Variants in ADD2 observed in about 807,000 individuals in gnomAD.
The protein encoded by ADD2 is beta-adducin.
A neutral mutation model predicts 83.0 loss-of-function variants in ADD2; 23 were observed. That is an observed-to-expected ratio of 0.28 (90% confidence interval 0.20 to 0.39). The LOEUF (loss-of-function observed/expected upper bound fraction) is 0.39. Among genes scored for constraint, ADD2 ranks in the 10% least tolerant of loss-of-function variants. ADD2 has a pLI of 1.00. For synonymous variants in ADD2, 375 were observed against 375.4 expected, an observed-to-expected ratio of 1.00 and a Z score of 0.01; for missense variants, 758 against 944.9, an observed-to-expected ratio of 0.80 and a Z score of 2.59.
Position 70,706,090 on chromosome 2 carries a change from C to T in ADD2, c.183+136G>A. 2.3e-6 allele frequency: 2 copies of T among 866,516 alleles called. No individual in the cohort carries two copies. The highest frequency in any genetic ancestry group is 3.4e-6 in the Non-Finnish European group (2 of 581,064). The allele number at this position is 866,516 out of a possible 1,614,324, so 53.7% of individuals were successfully genotyped here. A position where few individuals can be genotyped will look rare whatever the true frequency, so the allele number is the denominator to read the frequency against. ...GTGTCAAGGCCCCAGGTGACCAGATCCGTCTTGCTCAGTGGGCTTACATTT... is the reference window on the plus strand; with the variant it reads ...GTGTCAAGGCCCCAGGTGACCAGATTCGTCTTGCTCAGTGGGCTTACATTT... On this transcript the variant is annotated intron_variant, in intron 3 of 15. Transcript: ENST00000264436. This position sits in a 1 kb window ranked among gnomAD's most constrained non-coding sequence, Gnocchi z 5.0.
At chr2:70,705,795 G>A (rs564247304) in intron 3 of ADD2, among the ~76,000 whole-genome samples, 1 of 152,272 alleles carries the variant, frequency 6.6e-6, no homozygotes, top group African/African-American at 2.4e-5. Flanking sequence ...TCATGTCAAA[G>A]CTTCATTTGT....
At chr2:70,748,517 A>C (rs1342023165) in intron 1 of ADD2, among the ~76,000 whole-genome samples, 1 of 152,120 alleles carries the variant, frequency 6.6e-6, no homozygotes, top group Non-Finnish European at 1.5e-5. Context: ...TAGCAGGTCC[A>C]TTTTATCCAG....
chr2:70,725,184 G>T (rs1234394661), intron 1 of ADD2, among the ~76,000 whole-genome samples: 1 of 152,154 alleles, frequency 6.6e-6, no homozygotes, highest in Non-Finnish European at 1.5e-5. Flanking sequence ...CAATTAAATG[G>T]GTTCATCCAT....
intron 8 of ADD2, among the ~76,000 whole-genome samples, chr2:70,690,092 GA>G (rs1218234929): frequency 5.0e-5 from 7 of 140,898 alleles, no homozygotes; most frequent in African/African-American, 8.2e-5. Context: ...AACTCAGGAA[GA>G]AAAAAAAAAT....
At chr2:70,692,778 G>A (rs535300566) in intron 6 of ADD2, among the ~76,000 whole-genome samples, 2 of 152,310 alleles carry the variant, frequency 1.3e-5, no homozygotes, top group Admixed American at 6.5e-5. Context: ...AGAAATGCGA[G>A]AGCAGAGTTT....
At chr2:70,753,726 C>A (rs926686377) in intron 1 of ADD2, among the ~76,000 whole-genome samples, 1 of 152,092 alleles carries the variant, frequency 6.6e-6, no homozygotes. Flanking sequence ...ATTCGTCATT[C>A]TGGAAAGTGA....
intron 7 of ADD2, 82 bp from the exon 8 acceptor site, chr2:70,691,011 G>C: frequency 1.4e-6 from 2 of 1,480,152 alleles, no homozygotes; most frequent in South Asian, 2.8e-5. Flanking sequence ...TCTACTCTGG[G>C]GGCCAGTGAG....
At chr2:70,687,177 A>G (rs1203925646) in intron 9 of ADD2, 2 of 152,320 alleles carry the variant, frequency 1.3e-5, no homozygotes, top group African/African-American at 4.8e-5. Flanking sequence ...CAAGCAGGGC[A>G]AGTCCTCTAC....
At chr2:70,665,139 G>A (rs1244340604) in intron 15 of ADD2, among the ~76,000 whole-genome samples, 1 of 152,182 alleles carries the variant, frequency 6.6e-6, no homozygotes, top group Non-Finnish European at 1.5e-5. Context: ...CAGAGGGAGC[G>A]AGTGAAGGAC....
At position 70,723,066 on chromosome 2, in the gene ADD2, C is replaced by T. The variant is rs144258146; in HGVS notation, c.-153-9882G>A. On this transcript the variant is annotated intron_variant, in intron 1 of 15. Coordinates refer to ENST00000264436, the MANE Select transcript of ADD2 (RefSeq NM_001617.4). ...ACTTCATAGAGGCCCCAAACTATTT[C>T]TCTACATGAAGGACCCAGGGAATTG... Among the ~76,000 whole-genome samples the T allele has an allele frequency of 9.5e-3, 1,441 of 152,308 alleles. 7 individuals carry two copies. Among genetic ancestry groups the T allele is most frequent in the Middle Eastern group, 0.037 (11 of 294 alleles).
chr2:70,737,683 C>G (rs1553380434), intron 1 of ADD2, among the ~76,000 whole-genome samples: 1 of 151,994 alleles, frequency 6.6e-6, no homozygotes, highest in Non-Finnish European at 1.5e-5. Flanking sequence ...ATGTAACAAA[C>G]CTGCACATTG....
chr2:70,722,227 C>T (rs1433321583), intron 1 of ADD2, among the ~76,000 whole-genome samples: 4 of 152,046 alleles, frequency 2.6e-5, no homozygotes, highest in Non-Finnish European at 4.4e-5. Context: ...AAAAATAAAA[C>T]GAGCATTGGC....
chr2:70,744,987 T>TA (rs1437331143), intron 1 of ADD2, among the ~76,000 whole-genome samples: 1 of 152,062 alleles, frequency 6.6e-6, no homozygotes, highest in Non-Finnish European at 1.5e-5. Context: ...GAACTGAACT[T>TA]AAGATTTCAA....
At chr2:70,704,735 A>T (rs1370829933) in intron 3 of ADD2, among the ~76,000 whole-genome samples, 1 of 152,180 alleles carries the variant, frequency 6.6e-6, no homozygotes, top group African/African-American at 2.4e-5. Context: ...ATGAGGGCCA[A>T]GACCCCTCCC....
At position 70,692,422 on chromosome 2, in the gene ADD2, T is replaced by C. The variant is rs201811808; in HGVS notation, c.686A>G (p.His229Arg). 6.3e-7 allele frequency: 1 copy of C among 1,597,800 alleles called. No homozygotes were observed. Among genetic ancestry groups the C allele is most frequent in the East Asian group, 2.3e-5 (1 of 44,404 alleles). The change falls in exon 7 of 16, where the codon CAC becomes CGC. Residue 229 changes from histidine (H) to arginine (R), a missense_variant. This residue lies in a region of ADD2 where 394 missense variants were observed against 509.3 expected (regional missense o/e 0.77). Coordinates refer to ENST00000264436, the MANE Select transcript of ADD2 (RefSeq NM_001617.4). The part of the protein sequence containing the change: ...RPDVRCIIHL[H>R]TPATAAVSAM... Reference sequence around the variant, plus strand: ...ACTCACCGCTGCTGTGGCCGGTGTGTGCAGGTGGATGATGCAGCGCACGTC... The same window carrying C: ...ACTCACCGCTGCTGTGGCCGGTGTGCGCAGGTGGATGATGCAGCGCACGTC...
rs1004262524 is a variant in ADD2, at chr2:70,740,946, T to C, written c.-154+26940A>G. Among the ~76,000 whole-genome samples, 15 of 152,338 alleles carry C rather than the reference T, an allele frequency of 9.8e-5. 1 individual carries two copies. The East Asian group carries it at 2.7e-3, about 27-fold the overall frequency. On this transcript the variant is annotated intron_variant, in intron 1 of 15. Transcript: ENST00000264436. Reference sequence around the variant, plus strand: ...AACTCCTGGCCTCAAGTGATCCACCTGCCTTCGCCTCCCAGAGTGCTGGGA... The same window carrying C: ...AACTCCTGGCCTCAAGTGATCCACCCGCCTTCGCCTCCCAGAGTGCTGGGA...
chr2:70,709,808 T>G (rs782601043), intron 2 of ADD2, among the ~76,000 whole-genome samples: 4 of 152,238 alleles, frequency 2.6e-5, no homozygotes, highest in African/African-American at 4.8e-5. Context: ...ACATTGGCCT[T>G]GTGGATTCCA....
intron 2 of ADD2, among the ~76,000 whole-genome samples, chr2:70,712,824 G>T (rs1490712523): frequency 6.6e-6 from 1 of 152,220 alleles, no homozygotes; most frequent in African/African-American, 2.4e-5. Context: ...AGTGAGCACA[G>T]GATGCTGTAA....
intron 15 of ADD2, among the ~76,000 whole-genome samples, chr2:70,664,443 T>C (rs1675674740): frequency 1.3e-5 from 2 of 152,136 alleles, no homozygotes; most frequent in South Asian, 4.1e-4. Context: ...CCTGCCACCC[T>C]TTCTCCCCCT....
Sources: allele counts gnomAD v4.1 joint callset (sites outside exome capture counted in the v4.1 genomes callset), GRCh38; gene constraint gnomAD v4.1.1; regional missense constraint gnomAD v4.1.1; non-coding constraint Gnocchi (gnomAD v3.1); transcripts MANE v1.5; gene names NCBI Gene and HGNC (gene_info 2026-07-23, HGNC 2026-07-21).